The following SMARCAD1 variants were observed in gnomAD, a reference collection of about 807,000 sequenced individuals.
SMARCAD1 encodes the protein SNF2 related chromatin remodeling ATPase with DExD box 1.
A neutral mutation model predicts 127.1 loss-of-function variants in SMARCAD1; 25 were observed. The observed-to-expected ratio is 0.20, with a 90% confidence interval of 0.14 to 0.27. The LOEUF (loss-of-function observed/expected upper bound fraction) is 0.27. Ranked by LOEUF, SMARCAD1 falls within the 10% of genes least tolerant of loss-of-function variation. The probability of loss-of-function intolerance (pLI) is 1.00; values close to 1 mark genes in which losing one functional copy is unlikely to be tolerated. For synonymous variants in SMARCAD1, 400 were observed against 396.9 expected (o/e 1.01, Z -0.09); for missense variants, 807 against 1,206.0 (o/e 0.67, Z 4.90).
intron 6 of SMARCAD1, among the ~76,000 whole-genome samples, chr4:94,247,456 C>A (rs10516948): frequency 0.14 from 21,958 of 152,134 alleles, 1,814 homozygotes; most frequent in Non-Finnish European, 0.19. Flanking sequence ...GATAGGCACA[C>A]CATCTACTAA....
In SMARCAD1 at chr4:94,271,732, A is replaced by G. The variant is rs114346958; in HGVS notation, c.1572+914A>G. The stretch of plus-strand genomic sequence containing the variant: ...TATGTCATTTCAGTTGTGTGACTGC[A>G]CTTGGAAATCAGACCTGGGTTTGGG... On this transcript the variant is annotated intron_variant, in intron 11 of 23. Coordinates refer to ENST00000354268, the MANE Select transcript of SMARCAD1 (RefSeq NM_020159.5). 6.4e-3 allele frequency among the ~76,000 whole-genome samples: 976 copies of G among 152,312 alleles called. 13 individuals carry two copies. The highest frequency in any genetic ancestry group is 0.035 in the South Asian group (171 of 4,824).
At chr4:94,218,511 T>C (rs1320117532) in intron 2 of SMARCAD1, among the ~76,000 whole-genome samples, 2 of 152,078 alleles carry the variant, frequency 1.3e-5, no homozygotes, top group African/African-American at 4.8e-5. Context: ...CAGGCTGGTC[T>C]CAAACTCCTG....
rs755258196 is a variant in SMARCAD1, at chr4:94,291,202, T to G, written c.*1668T>G. Reference sequence around the variant, plus strand: ...TGTTGTTATTGTTGTTGTTGTTATATCCATACTTTTATCTCTAATGAAATG... The same window carrying G: ...TGTTGTTATTGTTGTTGTTGTTATAGCCATACTTTTATCTCTAATGAAATG... On this transcript the variant is annotated 3_prime_UTR_variant, in exon 24 of 24. Transcript: ENST00000354268. The G allele has an allele frequency of 8.8e-6, 4 of 454,054 alleles. No homozygotes were observed. The highest frequency in any genetic ancestry group is 6.2e-5 in the South Asian group (4 of 64,452). The allele number at this position is 454,054 out of a possible 1,614,324, so 28.1% of individuals were successfully genotyped here. A position where few individuals can be genotyped will look rare whatever the true frequency, so the allele number is the denominator to read the frequency against.
At chr4:94,234,192 A>G in intron 4 of SMARCAD1, 70 bp downstream of exon 4, 1 of 1,355,352 alleles carries the variant, frequency 7.4e-7, no homozygotes, top group East Asian at 2.5e-5. Flanking sequence ...TATAGTTAGT[A>G]GTGGATAGTC....
Position 94,253,013 on chromosome 4 carries a change from G to A in SMARCAD1, c.1281+6G>A. 1 of 1,610,480 alleles carries A rather than the reference G, an allele frequency of 6.2e-7. No homozygotes were observed. The highest frequency in any genetic ancestry group is 8.5e-7 in the Non-Finnish European group (1 of 1,179,974). ...TTAATAGTTGGGAGGCTCTGGTAAG[G>A]CTTTATTCTTTTTTTCCCCTTGTAT... On this transcript the variant is annotated splice_donor_region_variant and intron_variant, in intron 9 of 23. Coordinates refer to ENST00000354268, the MANE Select transcript of SMARCAD1 (RefSeq NM_020159.5).
chr4:94,282,100 G>GGTT, intron 21 of SMARCAD1, among the ~76,000 whole-genome samples: 1 of 74,964 alleles, frequency 1.3e-5, no homozygotes, highest in Non-Finnish European at 2.3e-5. Context: ...ACGTTTTTTT[G>GGTT]TTTTTTTTTT....
chr4:94,228,853 G>C (rs898245914), intron 3 of SMARCAD1, among the ~76,000 whole-genome samples: 3 of 152,036 alleles, frequency 2.0e-5, no homozygotes, highest in Non-Finnish European at 4.4e-5. Flanking sequence ...CTATTTCTCA[G>C]TCTTTTTCTG....
intron 6 of SMARCAD1, among the ~76,000 whole-genome samples, chr4:94,246,153 A>G (rs1442027766): frequency 1.4e-5 from 2 of 145,300 alleles, no homozygotes; most frequent in Non-Finnish European, 3.0e-5. Flanking sequence ...GGAGTCTCGC[A>G]CTGTTGTCTG....
chr4:94,209,631 A>G lies in SMARCAD1; in HGVS notation c.190+1047A>G, dbSNP rs1286264857. 3.3e-5 allele frequency among the ~76,000 whole-genome samples: 5 copies of G among 152,224 alleles called. No individual in the cohort carries two copies. In the East Asian group the frequency reaches 9.6e-4, roughly 29 times the overall value. ...TAATAATGATGGCAGATCCTCTGCA[A>G]GTTATCATTAGAATAACATTTTTAA... is the stretch of plus-strand genomic sequence containing the variant. On this transcript the variant is annotated intron_variant, in intron 2 of 23. Transcript: ENST00000354268.
In SMARCAD1 at chr4:94,249,769, T is replaced by C; in HGVS notation, c.807+14T>C. On this transcript the variant is annotated intron_variant, in intron 7 of 23. Coordinates refer to ENST00000354268, the MANE Select transcript of SMARCAD1 (RefSeq NM_020159.5). ...TTTGATAAACAGGTGAGTAGTCGTG[T>C]ATGAAAATTTAATCAGTGTGTACTA... 2 of 1,407,468 alleles carry C rather than the reference T, an allele frequency of 1.4e-6. No individual in the cohort carries two copies. Among genetic ancestry groups the C allele is most frequent in the Non-Finnish European group, 2.0e-6 (2 of 992,324 alleles). The allele number at this position is 1,407,468 out of a possible 1,614,324, so 87.2% of individuals were successfully genotyped here. A position where few individuals can be genotyped will look rare whatever the true frequency, so the allele number is the denominator to read the frequency against.
chr4:94,230,163 G>C (rs945256280), intron 3 of SMARCAD1, among the ~76,000 whole-genome samples: 1 of 151,728 alleles, frequency 6.6e-6, no homozygotes, highest in African/African-American at 2.4e-5. Context: ...ATATGAACAA[G>C]ATTCCAAAAA....
intron 3 of SMARCAD1, among the ~76,000 whole-genome samples, chr4:94,231,004 T>G (rs1745752012): frequency 6.6e-6 from 1 of 152,206 alleles, no homozygotes; most frequent in Non-Finnish European, 1.5e-5. Flanking sequence ...TGAAAAGTTT[T>G]TATTCCATTC....
intron 9 of SMARCAD1, among the ~76,000 whole-genome samples, chr4:94,260,588 C>A (rs954974180): frequency 6.6e-6 from 1 of 152,050 alleles, no homozygotes; most frequent in African/African-American, 2.4e-5. Context: ...CCACCTGCCT[C>A]GGCCCCAAAA....
chr4:94,266,705 T>A lies in SMARCAD1; in HGVS notation c.1481+1799T>A, dbSNP rs545409197. On this transcript the variant is annotated intron_variant, in intron 10 of 23. Coordinates refer to ENST00000354268, the MANE Select transcript of SMARCAD1 (RefSeq NM_020159.5). ...TAGCACAGAGGAAAATATTAGACTA[T>A]CCTGATGAATAACCTATCATGCTTG... 7.9e-5 allele frequency among the ~76,000 whole-genome samples: 12 copies of A among 152,236 alleles called. No individual in the cohort carries two copies. The East Asian group carries it at 2.1e-3, about 27-fold the overall frequency.
At position 94,280,544 on chromosome 4, in the gene SMARCAD1, A is replaced by T. The variant is rs372355022; in HGVS notation, c.2419-48A>T. On this transcript the variant is annotated intron_variant, in intron 19 of 23. Transcript: ENST00000354268. Reference sequence around the variant, plus strand: ...TTTATTAAACTTTTCTCATCATATTATTAATTATTTTTATTTTGAAGTATA... The same window carrying T: ...TTTATTAAACTTTTCTCATCATATTTTTAATTATTTTTATTTTGAAGTATA... 240 of 1,492,206 alleles carry T rather than the reference A, an allele frequency of 1.6e-4. No individual in the cohort carries two copies. In the African/African-American group the frequency reaches 3.2e-3, roughly 20 times the overall value. 92.4% of individuals were successfully genotyped at this position (1,492,206 alleles called of 1,614,324 possible).
rs113216387 is a variant in SMARCAD1 at position 94,276,769 on chromosome 4, A to G, written c.1945-253A>G. ...TTAAACTATTTATAAATAATCTTTC[A>G]TCATCTCATAAAGGTGATACGAGGA... On this transcript the variant is annotated intron_variant, in intron 15 of 23. Transcript: ENST00000354268. Among the ~76,000 whole-genome samples the G allele has an allele frequency of 6.5e-3, 996 of 152,292 alleles. 5 individuals are homozygous for G. The highest frequency in any genetic ancestry group is 0.054 in the Middle Eastern group (16 of 294).
intron 14 of SMARCAD1, among the ~76,000 whole-genome samples, chr4:94,275,358 CA>C (rs544671122): frequency 1.1e-3 from 170 of 152,022 alleles, no homozygotes; most frequent in African/African-American, 2.9e-3. Flanking sequence ...TGAGTTAGGG[CA>C]GAAATAAAAA....
chr4:94,250,831 A>G lies in SMARCAD1; in HGVS notation c.887A>G (p.Gln296Arg), dbSNP rs761206799. The change falls in exon 8 of 24, where the codon CAA becomes CGA. Residue 296 changes from glutamine (Q) to arginine (R), a missense_variant and splice_region_variant. Gln to Arg is a conservative substitution (Grantham distance 43). Coordinates refer to ENST00000354268, the MANE Select transcript of SMARCAD1 (RefSeq NM_020159.5). ...TCTCTAAAAGTGTTTGCAGAAGACC[A>G]AGGTAATTATTCTGGGTCATAGAAA... ...LESLKVFAED[Q>R]DMQYVSQSEV... The G allele has an allele frequency of 3.1e-6, 5 of 1,609,250 alleles. No individual in the cohort carries two copies. Among genetic ancestry groups the G allele is most frequent in the Non-Finnish European group, 4.3e-6 (5 of 1,176,102 alleles).
chr4:94,220,723 G>A (rs946920478), intron 2 of SMARCAD1, among the ~76,000 whole-genome samples: 1 of 152,196 alleles, frequency 6.6e-6, no homozygotes, highest in Admixed American at 6.5e-5. Flanking sequence ...AATTGCTGGT[G>A]CCTTAGCACC....
Sources: allele counts gnomAD v4.1 joint callset (sites outside exome capture counted in the v4.1 genomes callset), GRCh38; gene constraint gnomAD v4.1.1; transcripts MANE v1.5; gene names NCBI Gene and HGNC (gene_info 2026-07-23, HGNC 2026-07-21).